DCP2: variants seen among roughly 807,000 people sequenced by gnomAD.
DCP2 encodes decapping mRNA 2.
In DCP2, 30 loss-of-function variants were observed where a neutral mutation model predicts 56.1. The observed-to-expected ratio is 0.53, with a 90% CI of 0.40 to 0.73. The LOEUF is 0.73. DCP2 is among the 30% of genes least tolerant of loss of function. DCP2 has a pLI of 0.00. For missense variants in DCP2, 533 were observed against 502.7 expected (o/e 1.06, Z -0.58); for synonymous variants, 197 against 163.3 (o/e 1.21, Z -1.57).
At chr5:113,008,624 T>C (rs1182617735) in intron 9 of DCP2, among the ~76,000 whole-genome samples, 1 of 152,188 alleles carries the variant, frequency 6.6e-6, no homozygotes, top group African/African-American at 2.4e-5. Flanking sequence ...CATTTATTGG[T>C]GAGTAATAAT....
chr5:113,008,079 A>C, intron 9 of DCP2, 37 bp downstream of exon 9: 5 of 1,554,104 alleles, frequency 3.2e-6, no homozygotes, highest in Non-Finnish European at 4.4e-6. Context: ...TAGGCAGTTC[A>C]TCCTCTGAAG....
chr5:113,013,374 G>A lies in DCP2; in HGVS notation c.1153G>A (p.Glu385Lys), dbSNP rs745807991. 5.6e-6 allele frequency: 9 copies of A among 1,614,098 alleles called. No individual in the cohort carries two copies. The highest frequency in any genetic ancestry group is 5.3e-5 in the African/African-American group (4 of 75,050). ...SSEDQLLEHAEGQPVACNGHC... is the reference protein window; with the variant it reads ...SSEDQLLEHAKGQPVACNGHC... Reference sequence around the variant, plus strand: ...TGAAGACCAGTTGCTAGAACATGCTGAGGGACAGCCCGTGGCATGTAATGG... The same window carrying A: ...TGAAGACCAGTTGCTAGAACATGCTAAGGGACAGCCCGTGGCATGTAATGG... Residue 385 changes from glutamate to lysine, a missense_variant, in exon 11 of 11, where the codon GAG becomes AAG. Physicochemically the swap from Glu to Lys is moderately conservative, Grantham distance 56 (BLOSUM62 1). Transcript: ENST00000389063.
intron 10 of DCP2, among the ~76,000 whole-genome samples, chr5:113,012,692 G>C (rs1749727093): frequency 6.6e-6 from 1 of 151,898 alleles, no homozygotes; most frequent in Admixed American, 6.6e-5. Flanking sequence ...CACCCAGACT[G>C]GAGTGCAACA....
intron 8 of DCP2, among the ~76,000 whole-genome samples, chr5:113,005,151 G>GGTGGGTGTGTGTGT (rs1554101206): frequency 2.3e-4 from 35 of 149,524 alleles, no homozygotes; most frequent in African/African-American, 8.4e-4. Flanking sequence ...TGTGCGTGTG[G>GGTGGGTGTGTGTGT]GTGTGTGTGT....
rs999440675 is a variant in DCP2 at position 113,019,417 on chromosome 5, T to C, written c.*5933T>C. 15 of 152,140 alleles carry C rather than the reference T, an allele frequency of 9.9e-5. No homozygotes were observed. Among genetic ancestry groups the C allele is most frequent in the Admixed American group, 9.2e-4 (14 of 15,278 alleles). The allele number at this position is 152,140 out of a possible 1,614,324, so 9.4% of individuals were successfully genotyped here. A position where few individuals can be genotyped will look rare whatever the true frequency, so the allele number is the denominator to read the frequency against. ...CAGAAGACATACTGCTAAGAGTTTC[T>C]TTGTGCATTTCACTACTGTTCTAGG... is the stretch of plus-strand genomic sequence containing the variant. On this transcript the variant is annotated 3_prime_UTR_variant, in exon 11 of 11. Transcript: ENST00000389063.
At position 113,010,733 on chromosome 5, in the gene DCP2, G is replaced by A. The variant is rs559258662; in HGVS notation, c.1048-23G>A. ...GACTGTGTTGTATGTGTGTGTGTGTGTGTTTTTTTTTTTTTTAAATAGAAG... is the reference window on the plus strand; with the variant it reads ...GACTGTGTTGTATGTGTGTGTGTGTATGTTTTTTTTTTTTTTAAATAGAAG... On this transcript the variant is annotated intron_variant, in intron 9 of 10. Transcript: ENST00000389063. 3.4e-5 allele frequency: 45 copies of A among 1,341,742 alleles called. No homozygotes were observed. The South Asian group carries it at 6.1e-4, about 18-fold the overall frequency. The allele number at this position is 1,341,742 out of a possible 1,614,324, so 83.1% of individuals were successfully genotyped here.
intron 1 of DCP2, among the ~76,000 whole-genome samples, chr5:112,982,770 C>T (rs1466747438): frequency 2.6e-5 from 4 of 152,164 alleles, no homozygotes; most frequent in African/African-American, 4.8e-5. Context: ...ATCTTTCAAC[C>T]CTCACTCCTG....
Position 113,014,546 on chromosome 5 carries a change from A to G in DCP2, c.*1062A>G, listed in dbSNP as rs1356901601. 6.6e-6 allele frequency: 1 copy of G among 152,628 alleles called. No homozygotes were observed. The highest frequency in any genetic ancestry group is 1.5e-5 in the Non-Finnish European group (1 of 68,034). 9.5% of individuals were successfully genotyped at this position (152,628 alleles called of 1,614,324 possible). A position where few individuals can be genotyped will look rare whatever the true frequency, so the allele number is the denominator to read the frequency against. ...TTTCACTAGGTTACACGTTATGTAT[A>G]TGTGTTACATAACAGTAACATACAT... On this transcript the variant is annotated 3_prime_UTR_variant, in exon 11 of 11. Transcript: ENST00000389063.
At position 113,008,020 on chromosome 5, in the gene DCP2, CA is replaced by C; in HGVS notation, c.1028del (p.Lys343SerfsTer6). The C allele has an allele frequency of 6.2e-7, 1 of 1,613,864 alleles. No homozygotes were observed. Among genetic ancestry groups the C allele is most frequent in the Non-Finnish European group, 8.5e-7 (1 of 1,179,848 alleles). ...QKKRTNGLQP[A>X]KQQNSLMKCE... Reference sequence around the variant, plus strand: ...AAAAGAACAAATGGGCTTCAGCCAGCAAAGCAGCAGAATTCTTTGATGGTAA... The same window carrying C: ...AAAAGAACAAATGGGCTTCAGCCAGCAAGCAGCAGAATTCTTTGATGGTAA... On this transcript the variant is annotated frameshift_variant, in exon 9 of 11. Coordinates refer to ENST00000389063, the MANE Select transcript of DCP2 (RefSeq NM_152624.6). LOFTEE classifies it high-confidence loss of function.
intron 4 of DCP2, among the ~76,000 whole-genome samples, chr5:112,997,660 A>G (rs1420464307): frequency 6.7e-6 from 1 of 148,686 alleles, no homozygotes; most frequent in Non-Finnish European, 1.5e-5. Context: ...CCCAGGCTGG[A>G]GTGCAGTGGT....
At chr5:113,008,955 T>A (rs1004982830) in intron 9 of DCP2, among the ~76,000 whole-genome samples, 1 of 152,076 alleles carries the variant, frequency 6.6e-6, no homozygotes, top group East Asian at 1.9e-4. Flanking sequence ...GTGATTCCCC[T>A]GTCTCAGCCT....
chr5:112,994,845 G>T (rs1001001569), intron 4 of DCP2, among the ~76,000 whole-genome samples: 3 of 152,152 alleles, frequency 2.0e-5, no homozygotes, highest in Admixed American at 1.3e-4. Context: ...TCCATTAGAA[G>T]TAATATCTTT....
intron 2 of DCP2, among the ~76,000 whole-genome samples, chr5:112,988,347 C>T (rs531917288): frequency 1.3e-5 from 2 of 150,756 alleles, no homozygotes; most frequent in Non-Finnish European, 3.0e-5. Flanking sequence ...AAAAAATTAG[C>T]TGGGCGTGGT....
intron 1 of DCP2, among the ~76,000 whole-genome samples, chr5:112,979,574 T>C (rs1747901014): frequency 6.6e-6 from 1 of 152,212 alleles, no homozygotes; most frequent in Non-Finnish European, 1.5e-5. Context: ...TTAGTGTATA[T>C]AGGAAGTTTT....
At chr5:112,977,367 C>T (rs1450284702) in intron 1 of DCP2, among the ~76,000 whole-genome samples, 2 of 152,184 alleles carry the variant, frequency 1.3e-5, no homozygotes, top group East Asian at 1.9e-4. Flanking sequence ...TGCACCCCCT[C>T]CTCCCTGTGT....
At chr5:113,007,057 G>A (rs926397779) in intron 8 of DCP2, among the ~76,000 whole-genome samples, 1 of 152,066 alleles carries the variant, frequency 6.6e-6, no homozygotes, top group Non-Finnish European at 1.5e-5. Flanking sequence ...AGAATCGCTT[G>A]AACTTGGGAG....
chr5:113,005,151 G>GGTGGGTGTGTGTGTGT (rs1554101206), intron 8 of DCP2, among the ~76,000 whole-genome samples: 6 of 149,420 alleles, frequency 4.0e-5, no homozygotes, highest in Admixed American at 6.6e-5. Flanking sequence ...TGTGCGTGTG[G>GGTGGGTGTGTGTGTGT]GTGTGTGTGT....
rs758896820 is a variant in DCP2 at position 113,001,392 on chromosome 5, T to C, written c.621T>C (p.Cys207=). ...GGTTCTCTATTGAGAAATTGCCTTG[T>C]CATAGAAATGATATGACCCCCAAAT... ...IEWFSIEKLP[C]HRNDMTPKSK... The change falls in exon 6 of 11, where the codon TGT becomes TGC. Residue 207 remains cysteine, a synonymous_variant. Coordinates refer to ENST00000389063, the MANE Select transcript of DCP2 (RefSeq NM_152624.6). The C allele has an allele frequency of 6.2e-7, 1 of 1,613,846 alleles. No homozygotes were observed. Among genetic ancestry groups the C allele is most frequent in the South Asian group, 1.1e-5 (1 of 90,968 alleles).
chr5:112,997,488 C>A (rs1748916034), intron 4 of DCP2, among the ~76,000 whole-genome samples: 1 of 152,126 alleles, frequency 6.6e-6, no homozygotes, highest in Non-Finnish European at 1.5e-5. Flanking sequence ...AGAATTAATA[C>A]AAAGCAACTA....
Sources: allele counts gnomAD v4.1 joint callset (sites outside exome capture counted in the v4.1 genomes callset), GRCh38; gene constraint gnomAD v4.1.1; transcripts MANE v1.5; gene names NCBI Gene and HGNC (gene_info 2026-07-23, HGNC 2026-07-21).